ZBTB38: variants seen among roughly 807,000 people sequenced by gnomAD.
ZBTB38 encodes zinc finger and BTB domain containing 38.
A neutral mutation model predicts 76.8 loss-of-function variants in ZBTB38; 20 were observed. The observed-to-expected ratio is 0.26, with a 90% CI of 0.18 to 0.38. The LOEUF (loss-of-function observed/expected upper bound fraction) is 0.38, where lower values mean the gene tolerates loss of function less well. Ranked by LOEUF, ZBTB38 falls within the 10% of genes least tolerant of loss-of-function variation. The pLI is 1.00. For synonymous variants in ZBTB38, 504 were observed against 544.2 expected (o/e 0.93, Z 1.03); for missense variants, 1,082 against 1,482.3 (o/e 0.73, Z 4.43).
intron 4 of ZBTB38, among the ~76,000 whole-genome samples, chr3:141,402,607 C>T (rs1477821105): frequency 6.6e-6 from 1 of 151,388 alleles, no homozygotes; most frequent in Non-Finnish European, 1.5e-5. Context: ...GGGTTGAGCT[C>T]TGCAAACGCA....
chr3:141,414,572 C>G (rs2073501056), intron 5 of ZBTB38, among the ~76,000 whole-genome samples: 1 of 152,222 alleles, frequency 6.6e-6, no homozygotes, highest in Non-Finnish European at 1.5e-5. Flanking sequence ...TGGAAGGCAT[C>G]AGACAGAGCA....
chr3:141,339,713 C>T (rs1228486890), intron 1 of ZBTB38, among the ~76,000 whole-genome samples: 2 of 152,058 alleles, frequency 1.3e-5, no homozygotes, highest in East Asian at 3.9e-4. Flanking sequence ...CGTGGAGTGG[C>T]GAGTGGGGAC....
At chr3:141,356,638 C>T (rs1441469273) in intron 1 of ZBTB38, among the ~76,000 whole-genome samples, 5 of 151,384 alleles carry the variant, frequency 3.3e-5, no homozygotes, top group African/African-American at 2.4e-5. Context: ...AGCAGCATCT[C>T]GTCCCCCTCC....
intron 1 of ZBTB38, among the ~76,000 whole-genome samples, chr3:141,341,816 T>C (rs1474460635): frequency 1.3e-5 from 2 of 152,196 alleles, no homozygotes; most frequent in Non-Finnish European, 2.9e-5. Flanking sequence ...TGTGAAGACA[T>C]TGCCAGAATA....
At chr3:141,385,465 C>T (rs1416486320) in intron 3 of ZBTB38, among the ~76,000 whole-genome samples, 2 of 151,786 alleles carry the variant, frequency 1.3e-5, no homozygotes, top group Non-Finnish European at 2.9e-5. Flanking sequence ...TTTTACCTGC[C>T]GGCAGGATCT....
Position 141,422,465 on chromosome 3 carries a change from A to G in ZBTB38, c.-1+18434A>G, listed in dbSNP as rs765784933. 3.3e-5 allele frequency among the ~76,000 whole-genome samples: 5 copies of G among 152,196 alleles called. No homozygotes were observed. The South Asian group carries it at 8.3e-4, about 25-fold the overall frequency. On this transcript the variant is annotated intron_variant, in intron 5 of 5. Coordinates refer to ENST00000321464, the MANE Select transcript of ZBTB38 (RefSeq NM_001376113.1). ...GCTGTGAAGGGAACAGAGTGCTCCT[A>G]TGCTGAAATTCTTTGGCCTTCTTAG...
chr3:141,404,023 C>G lies in ZBTB38; in HGVS notation c.-9C>G, dbSNP rs1953351575. Reference sequence around the variant, plus strand: ...CTCACTCTGTTAAAGCTGGTCTGTTCTAACTGAGGTAACTAAAGTCGCGTC... The same window carrying G: ...CTCACTCTGTTAAAGCTGGTCTGTTGTAACTGAGGTAACTAAAGTCGCGTC... On this transcript the variant is annotated 5_prime_UTR_variant, in exon 5 of 6. Coordinates refer to ENST00000321464, the MANE Select transcript of ZBTB38 (RefSeq NM_001376113.1). 3 of 152,138 alleles carry G rather than the reference C, an allele frequency of 2.0e-5. No homozygotes were observed. In the South Asian group the frequency reaches 6.2e-4, roughly 31 times the overall value. 9.4% of individuals were successfully genotyped at this position (152,138 alleles called of 1,614,324 possible). A position where few individuals can be genotyped will look rare whatever the true frequency, so the allele number is the denominator to read the frequency against.
chr3:141,374,075 A>G (rs192339223), intron 2 of ZBTB38, among the ~76,000 whole-genome samples: 33 of 152,128 alleles, frequency 2.2e-4, no homozygotes, highest in Non-Finnish European at 4.0e-4. Flanking sequence ...GGTTGTGGTG[A>G]GCCACGACTG....
intron 5 of ZBTB38, chr3:141,432,370 G>A (rs1377125578): frequency 8.8e-6 from 7 of 792,714 alleles, no homozygotes; most frequent in East Asian, 2.5e-4. Flanking sequence ...TATTATGTAC[G>A]TTAGGAGCTG....
intron 4 of ZBTB38, among the ~76,000 whole-genome samples, chr3:141,392,218 A>G (rs1949084700): frequency 6.6e-6 from 1 of 152,156 alleles, no homozygotes; most frequent in Admixed American, 6.5e-5. Flanking sequence ...CATGAAGACA[A>G]GCTTGTTCGG....
intron 5 of ZBTB38, among the ~76,000 whole-genome samples, chr3:141,436,072 G>T (rs934757789): frequency 5.3e-5 from 8 of 152,036 alleles, no homozygotes; most frequent in African/African-American, 7.3e-5. Flanking sequence ...TCTATTGGGG[G>T]CTTTCCATTG....
intron 1 of ZBTB38, among the ~76,000 whole-genome samples, chr3:141,333,951 C>T (rs553986422): frequency 2.0e-5 from 3 of 152,264 alleles, no homozygotes; most frequent in East Asian, 1.9e-4. Context: ...AGAAAATAGA[C>T]TTTCATAAAC....
intron 2 of ZBTB38, among the ~76,000 whole-genome samples, chr3:141,374,652 G>A (rs1945102928): frequency 6.6e-6 from 1 of 151,972 alleles, no homozygotes; most frequent in Non-Finnish European, 1.5e-5. Flanking sequence ...GTTAAAAATT[G>A]TTGAGATGGT....
At chr3:141,358,699 T>C (rs1943733976) in intron 1 of ZBTB38, among the ~76,000 whole-genome samples, 3 of 152,182 alleles carry the variant, frequency 2.0e-5, no homozygotes, top group Admixed American at 6.5e-5. Flanking sequence ...AAAGAAACCT[T>C]GTACCCTTTG....
intron 4 of ZBTB38, among the ~76,000 whole-genome samples, chr3:141,400,953 A>C (rs1007935362): frequency 6.6e-6 from 1 of 151,136 alleles, no homozygotes; most frequent in African/African-American, 2.5e-5. Flanking sequence ...ACAGGGAAAC[A>C]CAGAGAGCAA....
intron 1 of ZBTB38, among the ~76,000 whole-genome samples, chr3:141,338,947 T>C (rs1397785622): frequency 2.6e-5 from 4 of 151,966 alleles, no homozygotes; most frequent in Admixed American, 1.3e-4. Flanking sequence ...GAACATCTTT[T>C]AGGGAACATT....
chr3:141,430,637 C>T (rs1378668793), intron 5 of ZBTB38, among the ~76,000 whole-genome samples: 1 of 152,114 alleles, frequency 6.6e-6, no homozygotes, highest in Non-Finnish European at 1.5e-5. Flanking sequence ...CCCAGAAACC[C>T]AGGGTGCAGA....
intron 2 of ZBTB38, among the ~76,000 whole-genome samples, chr3:141,375,147 CT>C (rs1279927574): frequency 1.3e-5 from 2 of 152,100 alleles, no homozygotes; most frequent in Non-Finnish European, 2.9e-5. Context: ...AACTTAAAGT[CT>C]TTTTTTGGCT....
chr3:141,427,966 ACCTGGAAAATG>A (rs1164340733), intron 5 of ZBTB38: 1 of 152,290 alleles, frequency 6.6e-6, no homozygotes, highest in Non-Finnish European at 1.5e-5. Flanking sequence ...GTCAGGCGGC[ACCTGGAAAATG>A]CCTACCGGAC....
Sources: allele counts gnomAD v4.1 joint callset (sites outside exome capture counted in the v4.1 genomes callset), GRCh38; gene constraint gnomAD v4.1.1; transcripts MANE v1.5; gene names NCBI Gene and HGNC (gene_info 2026-07-23, HGNC 2026-07-21).